Variants in PCDH15 observed in about 807,000 individuals in gnomAD.
PCDH15 encodes the protein protocadherin related 15.
In PCDH15, 129 loss-of-function variants were observed where a neutral mutation model predicts 178.5. That is an observed-to-expected ratio of 0.72 (90% CI 0.63 to 0.84). The LOEUF (loss-of-function observed/expected upper bound fraction) is 0.84. Among genes scored for constraint, PCDH15 ranks in the 40% least tolerant of loss-of-function variants. The pLI, the probability that PCDH15 is intolerant of heterozygous loss-of-function variation, is 0.00. For missense variants in PCDH15, 2,230 were observed against 2,099.9 expected (o/e 1.06, Z -1.21); for synonymous variants, 800 against 732.0 (o/e 1.09, Z -1.50).
At chr10:54,969,292 A>G (rs929726361) in intron 2 of PCDH15, among the ~76,000 whole-genome samples, 1 of 152,112 alleles carries the variant, frequency 6.6e-6, no homozygotes, top group Non-Finnish European at 1.5e-5. Flanking sequence ...TTTTATTTAT[A>G]AGCTGTGTTA....
At chr10:54,263,432 C>G (rs2057465131) in intron 8 of PCDH15, among the ~76,000 whole-genome samples, 1 of 152,164 alleles carries the variant, frequency 6.6e-6, no homozygotes, top group African/African-American at 2.4e-5. Flanking sequence ...GTAGCTCTTC[C>G]CATAAGGTCC....
chr10:54,281,840 G>A (rs1186408730), intron 8 of PCDH15, among the ~76,000 whole-genome samples: 2 of 151,938 alleles, frequency 1.3e-5, no homozygotes, highest in Non-Finnish European at 2.9e-5. Flanking sequence ...TTATAAAATT[G>A]TACATAACTA....
chr10:54,429,641 T>C (rs537056085), intron 3 of PCDH15, among the ~76,000 whole-genome samples: 3 of 152,058 alleles, frequency 2.0e-5, no homozygotes, highest in East Asian at 3.9e-4. Context: ...CACGGAAAAA[T>C]ATATTCTATG....
At chr10:55,398,754 G>A (rs574159995) in intron 2 of PCDH15, among the ~76,000 whole-genome samples, 1 of 151,962 alleles carries the variant, frequency 6.6e-6, no homozygotes, top group Non-Finnish European at 1.5e-5. Context: ...CTATACCCTC[G>A]CCAAGTATTG....
chr10:54,534,789 T>G (rs1307288861), intron 2 of PCDH15, among the ~76,000 whole-genome samples: 1 of 152,172 alleles, frequency 6.6e-6, no homozygotes, highest in Non-Finnish European at 1.5e-5. Context: ...ACTTTTCTCA[T>G]TTTTCCTGTT....
chr10:54,140,123 T>C (rs545987056), intron 14 of PCDH15, among the ~76,000 whole-genome samples: 2 of 152,308 alleles, frequency 1.3e-5, no homozygotes, highest in South Asian at 4.1e-4. Flanking sequence ...CTAATTAGCA[T>C]TGTTCATAGT....
intron 2 of PCDH15, among the ~76,000 whole-genome samples, chr10:55,038,668 G>A (rs117469553): frequency 6.3e-4 from 96 of 152,234 alleles, no homozygotes; most frequent in East Asian, 2.3e-3. Flanking sequence ...GTTGTGGGAC[G>A]GGGACTCTAT....
chr10:54,172,304 A>C (rs950713363), intron 13 of PCDH15, among the ~76,000 whole-genome samples: 4 of 147,836 alleles, frequency 2.7e-5, no homozygotes, highest in Admixed American at 6.8e-5. Flanking sequence ...GCACCTTGCG[A>C]CCCCCGACTC....
chr10:54,353,956 T>C (rs1256614301), intron 5 of PCDH15, among the ~76,000 whole-genome samples: 5 of 152,310 alleles, frequency 3.3e-5, no homozygotes, highest in Admixed American at 3.3e-4. Context: ...TTAAGTTGAA[T>C]ATACATATGA....
chr10:54,156,879 C>T (rs1048224144), intron 13 of PCDH15, among the ~76,000 whole-genome samples: 5 of 152,134 alleles, frequency 3.3e-5, no homozygotes, highest in African/African-American at 1.2e-4. Flanking sequence ...GGCTACAGGC[C>T]CCAAGCAAGT....
intron 2 of PCDH15, among the ~76,000 whole-genome samples, chr10:54,616,018 C>G (rs993624487): frequency 6.6e-6 from 1 of 151,996 alleles, no homozygotes. Context: ...TAGACAACAG[C>G]AGGCTCAGCA....
chr10:55,040,215 G>A (rs182868620), intron 2 of PCDH15, among the ~76,000 whole-genome samples: 26 of 152,098 alleles, frequency 1.7e-4, no homozygotes, highest in African/African-American at 4.6e-4. Flanking sequence ...ATAAGTAGGC[G>A]ATAATTTGTC....
chr10:55,320,414 G>A (rs2132298878), upstream of PCDH15, among the ~76,000 whole-genome samples: 1 of 149,350 alleles, frequency 6.7e-6, no homozygotes, highest in South Asian at 2.1e-4. Flanking sequence ...GGCCAGTACT[G>A]CTATGCCTGC....
At chr10:54,961,878 G>C (rs1325531495) in intron 2 of PCDH15, among the ~76,000 whole-genome samples, 1 of 152,018 alleles carries the variant, frequency 6.6e-6, no homozygotes, top group East Asian at 1.9e-4. Flanking sequence ...ACTCACTTCG[G>C]GTCTTCTCTA....
intron 3 of PCDH15, among the ~76,000 whole-genome samples, chr10:54,873,716 T>TATAA (rs907551227): frequency 5.5e-5 from 8 of 144,736 alleles, no homozygotes; most frequent in Admixed American, 3.5e-4. Context: ...TATATATATA[T>TATAA]AATATATGTG....
chr10:55,501,519 G>T (rs1480465951), intron 2 of PCDH15, among the ~76,000 whole-genome samples: 1 of 151,700 alleles, frequency 6.6e-6, no homozygotes, highest in South Asian at 2.1e-4. Context: ...CAATTGTTGA[G>T]GTAGTGAAGT....
intron 2 of PCDH15, among the ~76,000 whole-genome samples, chr10:54,921,101 A>C (rs1837475072): frequency 6.6e-6 from 1 of 152,088 alleles, no homozygotes; most frequent in Admixed American, 6.5e-5. Context: ...GCCCTCTTTC[A>C]CACTTCTAAG....
intron 3 of PCDH15, among the ~76,000 whole-genome samples, chr10:54,814,465 A>G (rs1952917239): frequency 6.6e-6 from 1 of 151,086 alleles, no homozygotes; most frequent in Non-Finnish European, 1.5e-5. Flanking sequence ...AGTCTTTATA[A>G]TAACCCTTCA....
At chr10:55,266,148 C>T (rs780137552) in intron 1 of PCDH15, among the ~76,000 whole-genome samples, 1 of 152,126 alleles carries the variant, frequency 6.6e-6, no homozygotes, top group African/African-American at 2.4e-5. Context: ...GCACTAAATT[C>T]TTTCCTTGTA....
Sources: allele counts gnomAD v4.1 joint callset (sites outside exome capture counted in the v4.1 genomes callset), GRCh38; gene constraint gnomAD v4.1.1; transcripts MANE v1.5; gene names NCBI Gene and HGNC (gene_info 2026-07-23, HGNC 2026-07-21).